Variants in ENPEP observed in about 807,000 individuals in gnomAD.
ENPEP encodes the protein AP-A.
Under a neutral mutation model 114.5 loss-of-function variants are expected in ENPEP, and 103 were observed. That is an observed-to-expected ratio of 0.90 (90% CI 0.77 to 1.06). The LOEUF is 1.06. ENPEP is among the 50% of genes least tolerant of loss of function. ENPEP has a pLI of 0.00. For synonymous variants in ENPEP, 420 were observed against 422.0 expected, an observed-to-expected ratio of 1.00 and a Z score of 0.06; for missense variants, 1,196 against 1,161.3, an observed-to-expected ratio of 1.03 and a Z score of -0.43.
At chr4:110,482,711 T>C (rs149710260) in intron 1 of ENPEP, among the ~76,000 whole-genome samples, 1 of 152,152 alleles carries the variant, frequency 6.6e-6, no homozygotes, top group African/African-American at 2.4e-5. Flanking sequence ...AAAATGTCAA[T>C]AAAGAATAGA....
At chr4:110,523,483 G>C (rs532514370) in intron 10 of ENPEP, among the ~76,000 whole-genome samples, 83 of 152,216 alleles carry the variant, frequency 5.5e-4, no homozygotes, top group African/African-American at 1.9e-3. Context: ...ATAAGAAAAG[G>C]CTCTGATATT....
At chr4:110,551,641 A>G (rs999225485) in intron 17 of ENPEP, among the ~76,000 whole-genome samples, 7 of 152,180 alleles carry the variant, frequency 4.6e-5, no homozygotes, top group African/African-American at 1.4e-4. Flanking sequence ...TTGATTTTCT[A>G]TCTGATTATT....
chr4:110,508,151 A>G (rs1043762012), intron 4 of ENPEP, among the ~76,000 whole-genome samples: 1 of 150,732 alleles, frequency 6.6e-6, no homozygotes, highest in African/African-American at 2.4e-5. Context: ...TTTTATGTGC[A>G]TTTTCAACCC....
At position 110,520,243 on chromosome 4, in the gene ENPEP, T is replaced by C. The variant is rs746388708; in HGVS notation, c.1604T>C (p.Met535Thr). ...AGTAGGCTACCAGTGAAAGAAGTAA[T>C]GGACACCTGGACCAGACAGATGGGT... ...EASRLPVKEV[M>T]DTWTRQMGYP... Residue 535 changes from methionine (M) to threonine (T), a missense_variant, in exon 10 of 20, where the codon ATG becomes ACG. Met to Thr is a moderately conservative substitution (Grantham distance 81). Coordinates refer to ENST00000265162, the MANE Select transcript of ENPEP (RefSeq NM_001977.4). 7 of 1,614,078 alleles carry C rather than the reference T, an allele frequency of 4.3e-6. No individual in the cohort carries two copies. In the Admixed American group the frequency reaches 1.0e-4, roughly 23 times the overall value.
chr4:110,549,764 C>A lies in ENPEP; in HGVS notation c.2379C>A (p.Asn793Lys). 3.7e-6 allele frequency: 6 copies of A among 1,613,394 alleles called. No individual in the cohort carries two copies. The highest frequency in any genetic ancestry group is 5.1e-6 in the Non-Finnish European group (6 of 1,179,592). ...TGGTGTATCGGTATGGGATGCAGAACTCTGGCAATGAGATTTCATGGAACT... is the reference window on the plus strand; with the variant it reads ...TGGTGTATCGGTATGGGATGCAGAAATCTGGCAATGAGATTTCATGGAACT... ...RLLVYRYGMQNSGNEISWNYT... is the reference protein window; with the variant it reads ...RLLVYRYGMQKSGNEISWNYT... Residue 793 changes from asparagine to lysine, a missense_variant, in exon 17 of 20, where the codon AAC (asparagine) becomes AAA (lysine). By Grantham distance (94) the Asn-to-Lys change is moderately conservative. Transcript: ENST00000265162.
At chr4:110,547,710 G>C (rs1019917363) in intron 13 of ENPEP, among the ~76,000 whole-genome samples, 1 of 151,980 alleles carries the variant, frequency 6.6e-6, no homozygotes, top group Non-Finnish European at 1.5e-5. Flanking sequence ...AGTTCAATTT[G>C]AATGTTTTAA....
At position 110,476,645 on chromosome 4, in the gene ENPEP, C is replaced by G; in HGVS notation, c.231C>G (p.Ile77Met). 1 of 1,614,102 alleles carries G rather than the reference C, an allele frequency of 6.2e-7. No homozygotes were observed. Among genetic ancestry groups the G allele is most frequent in the Non-Finnish European group, 8.5e-7 (1 of 1,180,052 alleles). Residue 77 changes from isoleucine to methionine, a missense_variant, in exon 1 of 20, where the codon ATC (isoleucine) becomes ATG (methionine). By Grantham distance (10) the Ile-to-Met change is conservative. Coordinates refer to ENST00000265162, the MANE Select transcript of ENPEP (RefSeq NM_001977.4). ...PSGPPAQDQDICPASEDESGQ... is the reference protein window; with the variant it reads ...PSGPPAQDQDMCPASEDESGQ... Reference sequence around the variant, plus strand: ...GTCCTCCTGCCCAGGACCAGGACATCTGCCCGGCCAGTGAGGATGAGAGCG... The same window carrying G: ...GTCCTCCTGCCCAGGACCAGGACATGTGCCCGGCCAGTGAGGATGAGAGCG...
rs1727372622 is a variant in ENPEP at position 110,553,648 on chromosome 4, A to G, written c.2642+193A>G. The G allele has an allele frequency of 9.1e-6, 4 of 439,174 alleles. No homozygotes were observed. The South Asian group carries it at 3.5e-4, about 38-fold the overall frequency. The allele number at this position is 439,174 out of a possible 1,614,324, so 27.2% of individuals were successfully genotyped here. A position where few individuals can be genotyped will look rare whatever the true frequency, so the allele number is the denominator to read the frequency against. ...AATTTTAAGAACAATTTTTTTCTGG[A>G]AATTATTGTTTCAACTGACCTATAG... is the stretch of plus-strand genomic sequence containing the variant. On this transcript the variant is annotated intron_variant, in intron 18 of 19. Coordinates refer to ENST00000265162, the MANE Select transcript of ENPEP (RefSeq NM_001977.4).
intron 3 of ENPEP, among the ~76,000 whole-genome samples, chr4:110,494,254 T>C (rs1431646850): frequency 6.6e-6 from 1 of 152,246 alleles, no homozygotes; most frequent in African/African-American, 2.4e-5. Context: ...TCCTTATGTC[T>C]TGTTCCCATT....
rs112915741 is a variant in ENPEP, at chr4:110,516,527, G to C, written c.1509+1085G>C. On this transcript the variant is annotated intron_variant, in intron 8 of 19. Coordinates refer to ENST00000265162, the MANE Select transcript of ENPEP (RefSeq NM_001977.4). ...AGCAGTGCTGACGGTATTCATCCCA[G>C]AGAGCAGAAAACAGGTTGGAGAAAT... is the stretch of plus-strand genomic sequence containing the variant. Among the ~76,000 whole-genome samples the C allele has an allele frequency of 1.8e-3, 273 of 152,240 alleles. 1 individual carries two copies. In the Middle Eastern group the frequency reaches 0.024, roughly 13 times the overall value.
At chr4:110,522,408 T>A (rs1268050662) in intron 10 of ENPEP, among the ~76,000 whole-genome samples, 2 of 152,184 alleles carry the variant, frequency 1.3e-5, no homozygotes, top group East Asian at 1.9e-4. Context: ...GTCTTGATCT[T>A]CTGATCTCAT....
chr4:110,481,999 A>G (rs1724327529), intron 1 of ENPEP, among the ~76,000 whole-genome samples: 1 of 152,154 alleles, frequency 6.6e-6, no homozygotes, highest in African/African-American at 2.4e-5. Context: ...TTTGTAGGGG[A>G]AGTTTATATG....
intron 3 of ENPEP, 71 bp downstream of exon 3, chr4:110,491,235 GTT>G (rs34911204): frequency 0.028 from 29,009 of 1,030,966 alleles, 18 homozygotes; most frequent in East Asian, 0.065. Context: ...TTTTTGGGTA[GTT>G]TTTTTTTTTT....
chr4:110,510,549 CTGA>C (rs1725535801), intron 6 of ENPEP, among the ~76,000 whole-genome samples, 191 bp downstream of exon 6: 1 of 150,596 alleles, frequency 6.6e-6, no homozygotes, highest in Admixed American at 6.6e-5. Context: ...AGAAGGGCAG[CTGA>C]TCATCACAAT....
intron 11 of ENPEP, chr4:110,533,047 TTAAC>T (rs34688573): frequency 1.0e-3 from 472 of 449,994 alleles, no homozygotes; most frequent in Non-Finnish European, 1.8e-3. Context: ...TGGATTTGGT[TTAAC>T]TATTACTAAA....
At chr4:110,506,465 G>T (rs545417135) in intron 3 of ENPEP, among the ~76,000 whole-genome samples, 172 bp from the exon 4 acceptor site, 36 of 152,296 alleles carry the variant, frequency 2.4e-4, no homozygotes, top group African/African-American at 7.9e-4. Context: ...GAGTCTCAGA[G>T]ATGTGAAGTG....
At chr4:110,531,006 A>T (rs893105835) in intron 10 of ENPEP, among the ~76,000 whole-genome samples, 192 bp from the exon 11 acceptor site, 6 of 152,182 alleles carry the variant, frequency 3.9e-5, no homozygotes, top group African/African-American at 1.4e-4. Flanking sequence ...ATAGATTTAT[A>T]GAAATTGAGA....
At chr4:110,536,336 A>G (rs1459043482) in intron 11 of ENPEP, among the ~76,000 whole-genome samples, 1 of 152,212 alleles carries the variant, frequency 6.6e-6, no homozygotes, top group Non-Finnish European at 1.5e-5. Context: ...GTGGCTCTCC[A>G]CCAAATAATG....
rs535506759 is a variant in ENPEP at position 110,499,601 on chromosome 4, A to G, written c.919-7036A>G. ...TGAAAGGTAATGTAGTTTGAATACT[A>G]TATGTTAATGATTAACTACAGTGGG... On this transcript the variant is annotated intron_variant, in intron 3 of 19. Transcript: ENST00000265162. Among the ~76,000 whole-genome samples, 6 of 152,318 alleles carry G rather than the reference A, an allele frequency of 3.9e-5. No homozygotes were observed. In the South Asian group the frequency reaches 6.2e-4, roughly 16 times the overall value.
Sources: allele counts gnomAD v4.1 joint callset (sites outside exome capture counted in the v4.1 genomes callset), GRCh38; gene constraint gnomAD v4.1.1; transcripts MANE v1.5; gene names NCBI Gene and HGNC (gene_info 2026-07-23, HGNC 2026-07-21).